PIK3C2G: variants seen among roughly 807,000 people sequenced by gnomAD.
PIK3C2G encodes phosphatidylinositol 3-kinase C2 domain-containing subunit gamma.
PIK3C2G carries 168 observed loss-of-function variants against 181.1 expected under a neutral mutation model. That is an observed-to-expected ratio of 0.93 (90% CI 0.82 to 1.05). PIK3C2G has a LOEUF of 1.05. Ranked by LOEUF, PIK3C2G falls within the 50% of genes least tolerant of loss-of-function variation. PIK3C2G has a pLI of 0.00. For missense variants in PIK3C2G, 1,869 were observed against 1,732.8 expected (o/e 1.08, Z -1.40); for synonymous variants, 573 against 592.2 (o/e 0.97, Z 0.47).
intron 31 of PIK3C2G, among the ~76,000 whole-genome samples, chr12:18,629,393 A>C (rs1020197999): frequency 6.6e-6 from 1 of 152,148 alleles, no homozygotes; most frequent in Non-Finnish European, 1.5e-5. Context: ...CTCATTGCCT[A>C]GATTTTCAAG....
Position 18,282,175 on chromosome 12 carries a change from T to C in PIK3C2G, c.94T>C (p.Ser32Pro). 6.2e-7 allele frequency: 1 copy of C among 1,611,932 alleles called. No individual in the cohort carries two copies. Among genetic ancestry groups the C allele is most frequent in the Non-Finnish European group, 8.5e-7 (1 of 1,178,562 alleles). ...ATTTCTCTTTGTAAATCAACCCCAT[T>C]CTTCTAGCCAAGTCAGTCTGGGTTT... The part of the protein sequence containing the change: ...QEFLFVNQPH[S>P]SSQVSLGFDQ... The change falls in exon 2 of 33, where the codon TCT becomes CCT. Residue 32 changes from serine to proline, a missense_variant. Transcript: ENST00000538779.
At chr12:18,573,055 A>T (rs1423767644) in intron 29 of PIK3C2G, among the ~76,000 whole-genome samples, 1 of 152,120 alleles carries the variant, frequency 6.6e-6, no homozygotes, top group East Asian at 1.9e-4. Context: ...TGCATGTATG[A>T]TTCTAATGTG....
At chr12:18,270,149 A>T (rs1948687608) in intron 1 of PIK3C2G, among the ~76,000 whole-genome samples, 1 of 151,994 alleles carries the variant, frequency 6.6e-6, no homozygotes, top group Non-Finnish European at 1.5e-5. Context: ...ACCTCAGGTG[A>T]TCCACCCACC....
At chr12:18,538,807 C>CT (rs749557239) in intron 25 of PIK3C2G, among the ~76,000 whole-genome samples, 9 of 151,832 alleles carry the variant, frequency 5.9e-5, no homozygotes, top group Admixed American at 2.0e-4. Context: ...AGCAACTCAG[C>CT]TTTTCGTGGT....
intron 18 of PIK3C2G, among the ~76,000 whole-genome samples, chr12:18,461,469 T>C (rs1318463218): frequency 1.3e-5 from 2 of 152,170 alleles, no homozygotes; most frequent in African/African-American, 4.8e-5. Flanking sequence ...GTGGAATTGA[T>C]AGAACAGAGA....
At chr12:18,684,507 T>C in the PIK3C2G span, among the ~76,000 whole-genome samples, 1 of 152,030 alleles carries the variant, frequency 6.6e-6, no homozygotes, top group Non-Finnish European at 1.5e-5. Flanking sequence ...CTCAATTAAT[T>C]CTGATAACCA....
intron 6 of PIK3C2G, among the ~76,000 whole-genome samples, chr12:18,316,896 C>T (rs992795387): frequency 1.3e-5 from 2 of 152,048 alleles, no homozygotes; most frequent in African/African-American, 2.4e-5. Context: ...AAGATCTCAG[C>T]CCTCAGGGAT....
intron 16 of PIK3C2G, among the ~76,000 whole-genome samples, chr12:18,420,605 G>T (rs1237587249): frequency 1.3e-5 from 2 of 152,058 alleles, no homozygotes; most frequent in Non-Finnish European, 2.9e-5. Flanking sequence ...TTTATCAAAT[G>T]CTTGGCTAAA....
At chr12:18,623,295 G>C (rs1016406784) in intron 31 of PIK3C2G, among the ~76,000 whole-genome samples, 4 of 151,624 alleles carry the variant, frequency 2.6e-5, no homozygotes, top group African/African-American at 9.7e-5. Context: ...ATTAATTATA[G>C]AGGCTGTCCT....
chr12:18,569,522 A>C (rs1053095294), intron 29 of PIK3C2G, among the ~76,000 whole-genome samples: 1 of 152,122 alleles, frequency 6.6e-6, no homozygotes, highest in Admixed American at 6.5e-5. Context: ...TTATCTGTAG[A>C]TACTTCTCTA....
At chr12:18,272,193 A>AT (rs1196984555) in intron 1 of PIK3C2G, among the ~76,000 whole-genome samples, 1 of 151,772 alleles carries the variant, frequency 6.6e-6, no homozygotes, top group African/African-American at 2.4e-5. Context: ...TGCTCCGTTT[A>AT]TTTTTTTCTA....
chr12:18,625,161 T>C (rs1443822540), intron 31 of PIK3C2G, among the ~76,000 whole-genome samples: 1 of 151,780 alleles, frequency 6.6e-6, no homozygotes, highest in Admixed American at 6.6e-5. Flanking sequence ...GCATTTATTG[T>C]TACAAACTTT....
intron 5 of PIK3C2G, among the ~76,000 whole-genome samples, chr12:18,294,338 GT>G (rs1949844567): frequency 6.6e-6 from 1 of 152,044 alleles, no homozygotes; most frequent in African/African-American, 2.4e-5. Flanking sequence ...ACTAGGACAA[GT>G]TGCTCATCCT....
intron 14 of PIK3C2G, among the ~76,000 whole-genome samples, chr12:18,382,099 C>G (rs141621210): frequency 6.6e-6 from 1 of 152,188 alleles, no homozygotes; most frequent in Non-Finnish European, 1.5e-5. Context: ...AAACCATTCT[C>G]CATCCTACAA....
At chr12:18,702,818 CTTT>C in the PIK3C2G span, among the ~76,000 whole-genome samples, 2 of 116,596 alleles carry the variant, frequency 1.7e-5, no homozygotes, top group Non-Finnish European at 1.7e-5. Context: ...GATAAAGTAA[CTTT>C]TTTTTTTTTT....
At chr12:18,694,670 G>C in the PIK3C2G span, among the ~76,000 whole-genome samples, 1 of 152,080 alleles carries the variant, frequency 6.6e-6, no homozygotes, top group Non-Finnish European at 1.5e-5. Context: ...ACTTTGAGAG[G>C]AGAAGGTTTT....
chr12:18,282,016 C>T lies in PIK3C2G; in HGVS notation c.-66C>T. 1 of 906,398 alleles carries T rather than the reference C, an allele frequency of 1.1e-6. No homozygotes were observed. Among genetic ancestry groups the T allele is most frequent in the Non-Finnish European group, 1.6e-6 (1 of 607,374 alleles). 56.1% of individuals were successfully genotyped at this position (906,398 alleles called of 1,614,324 possible). A position where few individuals can be genotyped will look rare whatever the true frequency, so the allele number is the denominator to read the frequency against. On this transcript the variant is annotated 5_prime_UTR_variant, in exon 2 of 33. Coordinates refer to ENST00000538779, the MANE Select transcript of PIK3C2G (RefSeq NM_001288772.2). ...ATGCTTTTTCTAGGAAAATTTCTAT[C>T]TTCTTTTGTATTATCAAGGAGATAT...
chr12:18,601,585 A>C (rs1168877372), intron 30 of PIK3C2G, among the ~76,000 whole-genome samples: 2 of 152,140 alleles, frequency 1.3e-5, no homozygotes, highest in African/African-American at 4.8e-5. Context: ...ACTATAGTTA[A>C]TCATAATATG....
chr12:18,449,158 T>C (rs1018694158), intron 18 of PIK3C2G, among the ~76,000 whole-genome samples: 1 of 152,178 alleles, frequency 6.6e-6, no homozygotes, highest in South Asian at 2.1e-4. Context: ...TGACCATATA[T>C]GCTTGCATTT....
Sources: allele counts gnomAD v4.1 joint callset (sites outside exome capture counted in the v4.1 genomes callset), GRCh38; gene constraint gnomAD v4.1.1; transcripts MANE v1.5; gene names NCBI Gene and HGNC (gene_info 2026-07-23, HGNC 2026-07-21).